COLEC12: variants seen among roughly 807,000 people sequenced by gnomAD.
The protein encoded by COLEC12 is collectin subfamily member 12.
A neutral mutation model predicts 71.1 loss-of-function variants in COLEC12; 33 were observed. The ratio of observed to expected loss-of-function variants is 0.46; its 90% CI spans 0.35 to 0.62. COLEC12 has a LOEUF of 0.62. Ranked by LOEUF, COLEC12 falls within the 20% of genes least tolerant of loss-of-function variation. The probability of loss-of-function intolerance (pLI) is 0.00; values close to 1 mark genes in which losing one functional copy is unlikely to be tolerated. For missense variants in COLEC12, 765 were observed against 916.1 expected (o/e 0.84, Z 2.13); for synonymous variants, 350 against 353.0 (o/e 0.99, Z 0.10).
intron 4 of COLEC12, among the ~76,000 whole-genome samples, 186 bp downstream of exon 4, chr18:347,879 C>T (rs1393793800): frequency 6.6e-6 from 1 of 151,882 alleles, no homozygotes; most frequent in East Asian, 1.9e-4. Context: ...GACTTAATTC[C>T]AAAACTGACC....
At chr18:433,980 G>T (rs573421124) in intron 2 of COLEC12, among the ~76,000 whole-genome samples, 20 of 105,272 alleles carry the variant, frequency 1.9e-4, no homozygotes, top group Admixed American at 1.0e-3. Context: ...AAAAAAAAAA[G>T]GCTAAGAAGA....
At chr18:329,719 TCAGAG>T (rs1267398012) in intron 8 of COLEC12, among the ~76,000 whole-genome samples, 1 of 152,222 alleles carries the variant, frequency 6.6e-6, no homozygotes, top group African/African-American at 2.4e-5. Flanking sequence ...AGGCTCACCT[TCAGAG>T]CAGACCTAAA....
chr18:496,220 C>T (rs900448700), intron 1 of COLEC12, among the ~76,000 whole-genome samples: 12 of 152,118 alleles, frequency 7.9e-5, no homozygotes, highest in Middle Eastern at 3.4e-3. Flanking sequence ...GCCTGAAAGC[C>T]ATCATCGGCT....
Position 347,213 on chromosome 18 carries a change from C to G in COLEC12, c.409G>C (p.Glu137Gln), listed in dbSNP as rs376043696. 6.2e-7 allele frequency: 1 copy of G among 1,614,170 alleles called. No individual in the cohort carries two copies. Residue 137 changes from glutamate (E) to glutamine (Q), a missense_variant, in exon 5 of 10, where the codon GAG becomes CAG. Transcript: ENST00000400256. ...GCATCCCCGCTCGCCTGTAACTTCT[C>G]CAGCGTATCCTTGTTCTTGCTGGTT... ...EKTSKNKDTL[E>Q]KLQASGDALV...
At chr18:324,964 G>A (rs1324557501) in intron 8 of COLEC12, among the ~76,000 whole-genome samples, 1 of 152,198 alleles carries the variant, frequency 6.6e-6, no homozygotes, top group Non-Finnish European at 1.5e-5. Flanking sequence ...TAAGGCAGGA[G>A]GATCACTCGA....
At chr18:343,816 G>A (rs1914312042) in intron 5 of COLEC12, among the ~76,000 whole-genome samples, 1 of 152,190 alleles carries the variant, frequency 6.6e-6, no homozygotes, top group Non-Finnish European at 1.5e-5. Context: ...ATAAACTGGC[G>A]ATGACATTGT....
rs928027615 is a variant in COLEC12, at chr18:327,164, A to G, written c.2063+4504T>C. ...TGAAGTTTTCACAGGACCTGGTGAA[A>G]TGAGAAGAATAAGGACAATGTGTGT... On this transcript the variant is annotated intron_variant, in intron 8 of 9. Transcript: ENST00000400256. The surrounding 1 kb of genome is among the most constrained non-coding windows in gnomAD (Gnocchi z 4.0). Among the ~76,000 whole-genome samples the G allele has an allele frequency of 6.6e-6, 1 of 152,224 alleles. No homozygotes were observed. Among genetic ancestry groups the G allele is most frequent in the African/African-American group, 2.4e-5 (1 of 41,452 alleles).
chr18:441,001 C>T (rs1314876062), intron 2 of COLEC12, among the ~76,000 whole-genome samples: 1 of 151,954 alleles, frequency 6.6e-6, no homozygotes, highest in African/African-American at 2.4e-5. Flanking sequence ...GTAATCCCAG[C>T]ACTTTGGGAG....
chr18:499,384 G>GGTTA (rs533552819), intron 1 of COLEC12, among the ~76,000 whole-genome samples: 42 of 152,178 alleles, frequency 2.8e-4, no homozygotes, highest in Non-Finnish European at 5.4e-4. Flanking sequence ...TCATCGCTCC[G>GGTTA]GTTAGTTCCG....
intron 2 of COLEC12, among the ~76,000 whole-genome samples, chr18:417,211 C>G (rs1481835354): frequency 2.0e-5 from 3 of 152,082 alleles, no homozygotes; most frequent in Admixed American, 6.5e-5. Flanking sequence ...AGGCTACAAA[C>G]CTATACAGCA....
chr18:379,114 G>A (rs958196077), intron 2 of COLEC12, among the ~76,000 whole-genome samples: 1 of 150,510 alleles, frequency 6.6e-6, no homozygotes, highest in East Asian at 1.9e-4. Context: ...GGAAAAGAAG[G>A]TTTTGTTTTT....
intron 2 of COLEC12, among the ~76,000 whole-genome samples, chr18:413,494 T>C (rs1366889010): frequency 1.8e-5 from 2 of 112,686 alleles, no homozygotes; most frequent in Non-Finnish European, 3.9e-5. Flanking sequence ...ATTTCACTTC[T>C]AGGCACTTAT....
chr18:404,168 T>C (rs539431117), intron 2 of COLEC12, among the ~76,000 whole-genome samples: 65 of 152,356 alleles, frequency 4.3e-4, no homozygotes, highest in South Asian at 1.0e-3. Flanking sequence ...TTTTGATCTC[T>C]TGAAATCTGT....
At chr18:493,637 T>C (rs1386896431) in intron 1 of COLEC12, among the ~76,000 whole-genome samples, 3 of 152,232 alleles carry the variant, frequency 2.0e-5, no homozygotes, top group Admixed American at 6.5e-5. Flanking sequence ...CTATATTTTA[T>C]TCATTTTATT....
At chr18:332,884 G>GC (rs1914015522) in intron 7 of COLEC12, 123 bp downstream of exon 7, 1 of 820,814 alleles carries the variant, frequency 1.2e-6, no homozygotes, top group Non-Finnish European at 1.9e-6. Flanking sequence ...CTGTAATGTT[G>GC]CCTCCCATGT....
intron 2 of COLEC12, among the ~76,000 whole-genome samples, chr18:425,754 T>C (rs1916188326): frequency 6.6e-6 from 1 of 152,162 alleles, no homozygotes; most frequent in African/African-American, 2.4e-5. Flanking sequence ...AGTAGTACCA[T>C]AAATAACTGT....
chr18:395,487 G>A (rs1441461581), intron 2 of COLEC12, among the ~76,000 whole-genome samples: 2 of 152,114 alleles, frequency 1.3e-5, no homozygotes, highest in African/African-American at 4.8e-5. Context: ...AGTTTCTGAT[G>A]GCCTTTTCAA....
chr18:374,874 C>T (rs1915080036), intron 2 of COLEC12, among the ~76,000 whole-genome samples: 1 of 152,182 alleles, frequency 6.6e-6, no homozygotes, highest in Non-Finnish European at 1.5e-5. Context: ...CAAGACGATC[C>T]AGTGCAGAGC....
chr18:451,862 G>A (rs1233283433), intron 2 of COLEC12, among the ~76,000 whole-genome samples: 6 of 152,184 alleles, frequency 3.9e-5, no homozygotes, highest in African/African-American at 1.4e-4. Context: ...ACCATTTCCA[G>A]GGGGAGGAAA....
Sources: allele counts gnomAD v4.1 joint callset (sites outside exome capture counted in the v4.1 genomes callset), GRCh38; gene constraint gnomAD v4.1.1; non-coding constraint Gnocchi (gnomAD v3.1); transcripts MANE v1.5; gene names NCBI Gene and HGNC (gene_info 2026-07-23, HGNC 2026-07-21).